The following RNF19B variants were observed in gnomAD, a reference collection of about 807,000 sequenced individuals.
The protein encoded by RNF19B is E3 ubiquitin-protein ligase RNF19B.
RNF19B carries 23 observed loss-of-function variants against 65.5 expected under a neutral mutation model. The observed-to-expected ratio is 0.35, with a 90% CI of 0.25 to 0.50. RNF19B has a LOEUF of 0.50. Among genes scored for constraint, RNF19B ranks in the 20% least tolerant of loss-of-function variants. The pLI is 0.98. For synonymous variants in RNF19B, 372 were observed against 379.6 expected, an observed-to-expected ratio of 0.98 and a Z score of 0.23; for missense variants, 794 against 980.0, an observed-to-expected ratio of 0.81 and a Z score of 2.53.
At chr1:32,953,360 A>G (rs1642556492) in intron 1 of RNF19B, among the ~76,000 whole-genome samples, 1 of 152,052 alleles carries the variant, frequency 6.6e-6, no homozygotes, top group Non-Finnish European at 1.5e-5. Flanking sequence ...ACTCTCCCGC[A>G]ATATTCAAAG....
Position 32,937,164 on chromosome 1 carries a change from A to G in RNF19B, c.1838T>C (p.Val613Ala), listed in dbSNP as rs1336289281. The G allele has an allele frequency of 3.1e-6, 5 of 1,613,996 alleles. No individual in the cohort carries two copies. The African/African-American group carries it at 6.7e-5, about 22-fold the overall frequency. Reference protein sequence around the residue: ...SGSSTEDSLHVHAQMAENEEE... With the variant: ...SGSSTEDSLHAHAQMAENEEE... ...TTCATTCTCTGCCATCTGAGCATGAACATGGAGCGAGTCCTCCGTGCTGCT... is the reference window on the plus strand; with the variant it reads ...TTCATTCTCTGCCATCTGAGCATGAGCATGGAGCGAGTCCTCCGTGCTGCT... The change falls in exon 9 of 9, where the codon GTT becomes GCT. Residue 613 changes from valine (V) to alanine (A), a missense_variant. By Grantham distance (64) the Val-to-Ala change is moderately conservative (BLOSUM62 0). Coordinates refer to ENST00000235150, the MANE Select transcript of RNF19B (RefSeq NM_001300826.2).
At chr1:32,935,026 T>G (rs542936217), downstream of RNF19B, among the ~76,000 whole-genome samples, 3 of 151,322 alleles carry the variant, frequency 2.0e-5, no homozygotes, top group Non-Finnish European at 4.4e-5. Flanking sequence ...GAGACGGGGT[T>G]TCACCATGTT....
intron 1 of RNF19B, among the ~76,000 whole-genome samples, chr1:32,960,072 T>C (rs192873908): frequency 2.4e-3 from 362 of 151,872 alleles, no homozygotes; most frequent in African/African-American, 8.3e-3. Flanking sequence ...AATTATAATG[T>C]GAATGTTTTC....
intron 3 of RNF19B, among the ~76,000 whole-genome samples, chr1:32,947,266 CAATG>C (rs1198722379): frequency 3.9e-5 from 6 of 152,196 alleles, no homozygotes; most frequent in Admixed American, 1.3e-4. Context: ...TTCATTTACA[CAATG>C]AATGTTTGTT....
chr1:32,947,282 G>C (rs1461609561), intron 3 of RNF19B, among the ~76,000 whole-genome samples: 1 of 152,180 alleles, frequency 6.6e-6, no homozygotes, highest in East Asian at 1.9e-4. Context: ...ATGTTTGTTT[G>C]TAAATATTAA....
chr1:32,960,122 C>A (rs1642735953), intron 1 of RNF19B, among the ~76,000 whole-genome samples: 1 of 152,036 alleles, frequency 6.6e-6, no homozygotes, highest in Non-Finnish European at 1.5e-5. Context: ...TAAAATAAAA[C>A]CATATTTGAG....
chr1:32,956,857 C>T (rs1642650841), intron 1 of RNF19B, among the ~76,000 whole-genome samples: 1 of 149,400 alleles, frequency 6.7e-6, no homozygotes, highest in South Asian at 2.1e-4. Flanking sequence ...CATAACTAGG[C>T]TACCCATTTA....
At chr1:32,946,010 C>T (rs974058864) in intron 4 of RNF19B, among the ~76,000 whole-genome samples, 1 of 152,056 alleles carries the variant, frequency 6.6e-6, no homozygotes, top group African/African-American at 2.4e-5. Context: ...ACTGTAGGCA[C>T]ATGCCACCAT....
At chr1:32,948,416 G>A (rs370310459) in intron 2 of RNF19B, 53 bp from the exon 3 acceptor site, 2 of 1,576,912 alleles carry the variant, frequency 1.3e-6, no homozygotes, top group African/African-American at 2.7e-5. Context: ...GTTAAATCCA[G>A]TTTGATTTAA....
chr1:32,930,974 G>A, the RNF19B span, among the ~76,000 whole-genome samples: 1 of 152,042 alleles, frequency 6.6e-6, no homozygotes, highest in Non-Finnish European at 1.5e-5. Flanking sequence ...TGTAATTCCA[G>A]CTACTTGGGA....
At chr1:32,944,282 C>A in intron 5 of RNF19B, 123 bp from the exon 6 acceptor site, 2 of 1,079,900 alleles carry the variant, frequency 1.9e-6, no homozygotes, top group Non-Finnish European at 2.6e-6. Flanking sequence ...GTGGCTATCC[C>A]AAAAAGGTGG....
At position 32,964,208 on chromosome 1, in the gene RNF19B, G is replaced by A; in HGVS notation, c.478C>T (p.Pro160Ser). 1.3e-6 allele frequency: 2 copies of A among 1,546,482 alleles called. No individual in the cohort carries two copies. Among genetic ancestry groups the A allele is most frequent in the African/African-American group, 1.4e-5 (1 of 72,362 alleles). Reference sequence around the variant, plus strand: ...TCGCTGCACTCGGGGCAGCTGATGGGCACCCTGCTCTCGCTTATCTCCAGG... The same window carrying A: ...TCGCTGCACTCGGGGCAGCTGATGGACACCCTGCTCTCGCTTATCTCCAGG... ...LRLEISESRVPISCPECSERL... is the reference protein window; with the variant it reads ...LRLEISESRVSISCPECSERL... The change falls in exon 1 of 9, where the codon CCC (proline) becomes TCC (serine). Residue 160 changes from proline to serine, a missense_variant. Pro to Ser is a moderately conservative substitution (Grantham distance 74). This residue lies in a region of RNF19B where 374 missense variants were observed against 423.8 expected (regional missense o/e 0.88). Transcript: ENST00000235150. The surrounding 1 kb of genome is among the most constrained non-coding windows in gnomAD (Gnocchi z 6.5).
intron 1 of RNF19B, among the ~76,000 whole-genome samples, chr1:32,952,954 A>G (rs1642543656): frequency 6.7e-6 from 1 of 149,050 alleles, no homozygotes; most frequent in Non-Finnish European, 1.5e-5. Context: ...ATGAAAGTTA[A>G]TCACACAATT....
At chr1:32,937,908 A>C (rs1570075732) in intron 8 of RNF19B, among the ~76,000 whole-genome samples, 1 of 152,062 alleles carries the variant, frequency 6.6e-6, no homozygotes, top group East Asian at 1.9e-4. Context: ...AGAAAAGTAA[A>C]AGCTTTTTAC....
chr1:32,937,167 T>C lies in RNF19B; in HGVS notation c.1835A>G (p.His612Arg), dbSNP rs780757574. 2.0e-5 allele frequency: 33 copies of C among 1,614,080 alleles called. No individual in the cohort carries two copies. The Middle Eastern group carries it at 4.9e-4, about 24-fold the overall frequency. The change falls in exon 9 of 9, where the codon CAT becomes CGT. Residue 612 changes from histidine (H) to arginine (R), a missense_variant. By Grantham distance (29) the His-to-Arg change is conservative. Transcript: ENST00000235150. ...VSGSSTEDSL[H>R]VHAQMAENEE... ...ATTCTCTGCCATCTGAGCATGAACATGGAGCGAGTCCTCCGTGCTGCTTCC... is the reference window on the plus strand; with the variant it reads ...ATTCTCTGCCATCTGAGCATGAACACGGAGCGAGTCCTCCGTGCTGCTTCC...
chr1:32,937,779 C>CATGCACACGTGTGCTCAG (rs1177032268), intron 8 of RNF19B, among the ~76,000 whole-genome samples: 1 of 152,080 alleles, frequency 6.6e-6, no homozygotes, highest in South Asian at 2.1e-4. Flanking sequence ...TTTAACTATA[C>CATGCACACGTGTGCTCAG]ATGCACACGT....
intron 7 of RNF19B, among the ~76,000 whole-genome samples, chr1:32,941,015 G>C (rs1338329337): frequency 6.6e-6 from 1 of 152,160 alleles, no homozygotes; most frequent in Non-Finnish European, 1.5e-5. Flanking sequence ...TTCAGGCCAG[G>C]AGTTTAAGAC....
At chr1:32,960,150 C>A (rs1439151311) in intron 1 of RNF19B, among the ~76,000 whole-genome samples, 1 of 152,100 alleles carries the variant, frequency 6.6e-6, no homozygotes, top group African/African-American at 2.4e-5. Context: ...GAAGAAAAAT[C>A]CAAAACTCTT....
intron 8 of RNF19B, among the ~76,000 whole-genome samples, chr1:32,937,538 C>T (rs1042737097): frequency 6.6e-6 from 1 of 151,764 alleles, no homozygotes; most frequent in Admixed American, 6.6e-5. Flanking sequence ...AAAGTCAGAC[C>T]CTGTTTCTAA....
Sources: gnomAD v4.1 joint callset for allele counts (sites outside exome capture counted in the v4.1 genomes callset) on GRCh38, gnomAD v4.1.1 for gene constraint, gnomAD v4.1.1 regional missense constraint, Gnocchi (gnomAD v3.1) non-coding constraint, MANE v1.5 for transcripts, NCBI Gene and HGNC (gene_info 2026-07-23, HGNC 2026-07-21) for gene names.